The following RHBDD1 variants were observed in gnomAD, a reference collection of about 807,000 sequenced individuals.
RHBDD1 encodes the protein rhomboid domain containing 1.
In RHBDD1, 38 loss-of-function variants were observed where a neutral mutation model predicts 36.3. That is an observed-to-expected ratio of 1.05 (90% CI 0.81 to 1.37). RHBDD1 has a LOEUF of 1.37. RHBDD1 is among the 40% of genes most tolerant of loss of function. RHBDD1 has a pLI of 0.00. For missense variants in RHBDD1, 393 were observed against 377.6 expected (o/e 1.04, Z -0.34); for synonymous variants, 151 against 136.5 (o/e 1.11, Z -0.74).
At chr2:226,902,720 A>C (rs1026143610) in intron 5 of RHBDD1, among the ~76,000 whole-genome samples, 1 of 152,208 alleles carries the variant, frequency 6.6e-6, no homozygotes, top group African/African-American at 2.4e-5. Flanking sequence ...AGACCAGTTA[A>C]ATTTTTGAGA....
At chr2:226,878,300 T>C (rs1945413377) in intron 5 of RHBDD1, among the ~76,000 whole-genome samples, 1 of 151,100 alleles carries the variant, frequency 6.6e-6, no homozygotes, top group African/African-American at 2.4e-5. Context: ...GTTAACTCTT[T>C]GTAGAAAGGA....
intron 5 of RHBDD1, among the ~76,000 whole-genome samples, chr2:226,886,984 A>G (rs947117935): frequency 7.2e-5 from 11 of 152,162 alleles, no homozygotes; most frequent in Non-Finnish European, 1.3e-4. Flanking sequence ...ATGAAGAGCT[A>G]TATCTTTGAA....
At chr2:226,992,892 C>CT (rs1407430729) in intron 8 of RHBDD1, among the ~76,000 whole-genome samples, 2 of 152,194 alleles carry the variant, frequency 1.3e-5, no homozygotes, top group Admixed American at 6.5e-5. Context: ...TTCTGAGCCT[C>CT]TGTTTCCTCT....
chr2:226,960,787 C>T (rs1952137843), intron 8 of RHBDD1, among the ~76,000 whole-genome samples: 1 of 152,166 alleles, frequency 6.6e-6, no homozygotes, highest in African/African-American at 2.4e-5. Context: ...TCAGCCATTC[C>T]CTTCATGCCC....
Position 226,864,827 on chromosome 2 carries a change from C to G in RHBDD1, c.134C>G (p.Pro45Arg). The G allele has an allele frequency of 6.2e-7, 1 of 1,614,094 alleles. No individual in the cohort carries two copies. The highest frequency in any genetic ancestry group is 2.2e-5 in the East Asian group (1 of 44,894). The change falls in exon 4 of 9, where the codon CCT becomes CGT. Residue 45 changes from proline (P) to arginine (R), a missense_variant. By Grantham distance (103) the Pro-to-Arg change is moderately radical. Coordinates refer to ENST00000392062, the MANE Select transcript of RHBDD1 (RefSeq NM_001167608.3). ...LALNIWFFLN[P>R]QKPLYSSCLS... Reference sequence around the variant, plus strand: ...CTCAACATCTGGTTCTTCTTGAACCCTCAGAAGCCACTGTATAGCTCCTGC... The same window carrying G: ...CTCAACATCTGGTTCTTCTTGAACCGTCAGAAGCCACTGTATAGCTCCTGC...
At chr2:226,883,384 T>C (rs1443916122) in intron 5 of RHBDD1, among the ~76,000 whole-genome samples, 1 of 152,242 alleles carries the variant, frequency 6.6e-6, no homozygotes, top group African/African-American at 2.4e-5. Flanking sequence ...GACATTTCTA[T>C]ACCAACCAGA....
intron 5 of RHBDD1, among the ~76,000 whole-genome samples, chr2:226,882,430 C>CAAA (rs58149634): frequency 0.012 from 671 of 54,626 alleles, 2 homozygotes; most frequent in Middle Eastern, 0.029. Flanking sequence ...GACTTTGCCT[C>CAAA]AAAAAAAAAA....
At chr2:226,924,288 T>C (rs1164030034) in intron 8 of RHBDD1, among the ~76,000 whole-genome samples, 1 of 152,088 alleles carries the variant, frequency 6.6e-6, no homozygotes. Flanking sequence ...CTGGCCAGGG[T>C]GCGTCTAGAA....
intron 8 of RHBDD1, among the ~76,000 whole-genome samples, chr2:226,968,618 AG>A (rs1401437485): frequency 6.6e-6 from 1 of 152,246 alleles, no homozygotes; most frequent in Non-Finnish European, 1.5e-5. Flanking sequence ...CACACAAAAA[AG>A]AGCATCGCAC....
At chr2:226,944,873 C>T (rs1296644386) in intron 8 of RHBDD1, among the ~76,000 whole-genome samples, 1 of 151,892 alleles carries the variant, frequency 6.6e-6, no homozygotes, top group Non-Finnish European at 1.5e-5. Context: ...TTTTTGTTTC[C>T]CCTTGAATGT....
At chr2:226,989,814 G>A (rs1957776150) in intron 8 of RHBDD1, among the ~76,000 whole-genome samples, 1 of 152,182 alleles carries the variant, frequency 6.6e-6, no homozygotes, top group African/African-American at 2.4e-5. Flanking sequence ...AACAGGTAAA[G>A]TGGTAAACTA....
In RHBDD1 at chr2:226,867,266, A is replaced by T; in HGVS notation, c.514A>T (p.Asn172Tyr). 6.2e-7 allele frequency: 1 copy of T among 1,613,766 alleles called. No individual in the cohort carries two copies. The highest frequency in any genetic ancestry group is 8.5e-7 in the Non-Finnish European group (1 of 1,179,876). The change falls in exon 5 of 9, where the codon AAC becomes TAC. Residue 172 changes from asparagine (N) to tyrosine (Y), a missense_variant. Physicochemically the swap from Asn to Tyr is moderately radical, Grantham distance 143. Transcript: ENST00000392062. ...FVNILGFPVP[N>Y]RFACWVELVA... ...CAACATTTTGGGCTTTCCTGTACCG[A>T]ACAGATTTGCTTGTTGGGTCGAACT...
chr2:226,904,431 C>A (rs1338763282), intron 5 of RHBDD1, among the ~76,000 whole-genome samples: 4 of 134,274 alleles, frequency 3.0e-5, no homozygotes, highest in African/African-American at 5.8e-5. Flanking sequence ...GGAGGGGGGT[C>A]AGGGAACTCC....
At chr2:226,992,154 G>C (rs1286121011) in intron 8 of RHBDD1, among the ~76,000 whole-genome samples, 1 of 152,170 alleles carries the variant, frequency 6.6e-6, no homozygotes, top group East Asian at 1.9e-4. Context: ...GAAACAATTT[G>C]ACACATGAAT....
At chr2:226,960,245 G>A (rs1026242186) in intron 8 of RHBDD1, among the ~76,000 whole-genome samples, 1 of 152,218 alleles carries the variant, frequency 6.6e-6, no homozygotes, top group Non-Finnish European at 1.5e-5. Flanking sequence ...GCTATGGTCA[G>A]TCTTTTTAAC....
At position 226,887,806 on chromosome 2, in the gene RHBDD1, G is replaced by T. The variant is rs1003996278; in HGVS notation, c.567-18987G>T. 9.2e-5 allele frequency among the ~76,000 whole-genome samples: 14 copies of T among 152,232 alleles called. 1 individual carries two copies. The highest frequency in any genetic ancestry group is 6.5e-4 in the Admixed American group (10 of 15,286). The stretch of plus-strand genomic sequence containing the variant: ...TGCAATGCTCTTTTGTATTGAATGT[G>T]CAAGTAGAGTCTATGAATTAAAAAT... On this transcript the variant is annotated intron_variant, in intron 5 of 8. Coordinates refer to ENST00000392062, the MANE Select transcript of RHBDD1 (RefSeq NM_001167608.3).
Position 226,922,210 on chromosome 2 carries a change from T to TC in RHBDD1, c.856+7859_856+7860insC, listed in dbSNP as rs1402139185. Among the ~76,000 whole-genome samples, 6 of 139,522 alleles carry TC rather than the reference T, an allele frequency of 4.3e-5. No homozygotes were observed. The South Asian group carries it at 1.5e-3, about 34-fold the overall frequency. 91.5% of individuals were successfully genotyped at this position (139,522 alleles called of 152,430 possible). The stretch of plus-strand genomic sequence containing the variant: ...AATTAAGTATCTTTTTCCTTTTTTT[T>TC]TTTTTTTTTTTTTTTGAGACGGAGT... On this transcript the variant is annotated intron_variant, in intron 8 of 8. Coordinates refer to ENST00000392062, the MANE Select transcript of RHBDD1 (RefSeq NM_001167608.3).
chr2:226,864,133 T>C (rs775990216), intron 3 of RHBDD1, among the ~76,000 whole-genome samples: 3 of 152,214 alleles, frequency 2.0e-5, no homozygotes, highest in Admixed American at 1.3e-4. Flanking sequence ...AGATAATGTA[T>C]GCTCGTGTCT....
intron 6 of RHBDD1, chr2:226,908,404 A>G (rs994231413): frequency 6.1e-6 from 1 of 165,068 alleles, no homozygotes; most frequent in South Asian, 1.7e-4. Flanking sequence ...GACAAGAAAG[A>G]GTGAAGTCCC....
Sources: allele counts gnomAD v4.1 joint callset (sites outside exome capture counted in the v4.1 genomes callset), GRCh38; gene constraint gnomAD v4.1.1; transcripts MANE v1.5; gene names NCBI Gene and HGNC (gene_info 2026-07-23, HGNC 2026-07-21).